IGSF5: variants seen among roughly 807,000 people sequenced by gnomAD.
The protein encoded by IGSF5 is immunoglobulin superfamily 5 like.
A neutral mutation model predicts 39.4 loss-of-function variants in IGSF5; 41 were observed. The ratio of observed to expected loss-of-function variants is 1.04; its 90% CI spans 0.81 to 1.35. The LOEUF (loss-of-function observed/expected upper bound fraction) is 1.35. Among genes scored for constraint, IGSF5 ranks in the 40% most tolerant of loss-of-function variants. The probability of loss-of-function intolerance (pLI) is 0.00; values close to 1 mark genes in which losing one functional copy is unlikely to be tolerated. For missense variants in IGSF5, 487 were observed against 494.6 expected (o/e 0.98, Z 0.15); for synonymous variants, 183 against 175.3 (o/e 1.04, Z -0.34).
the IGSF5 span, among the ~76,000 whole-genome samples, chr21:39,711,835 A>G: frequency 6.6e-6 from 1 of 152,008 alleles, no homozygotes; most frequent in African/African-American, 2.4e-5. Context: ...ACCCCACCAG[A>G]AGCCTCTTTT....
At chr21:39,764,804 C>T (rs2080077752) in intron 2 of IGSF5, among the ~76,000 whole-genome samples, 1 of 152,210 alleles carries the variant, frequency 6.6e-6, no homozygotes, top group Non-Finnish European at 1.5e-5. Flanking sequence ...TGGGCACAAA[C>T]TAGGAGAAGC....
intron 8 of IGSF5, among the ~76,000 whole-genome samples, chr21:39,794,314 G>A (rs1297234806): frequency 6.6e-6 from 1 of 152,176 alleles, no homozygotes; most frequent in Non-Finnish European, 1.5e-5. Context: ...GAAGGTCTCT[G>A]TTAGATGTCC....
chr21:39,745,921 G>T (rs557740610), intron 1 of IGSF5, among the ~76,000 whole-genome samples: 1 of 151,658 alleles, frequency 6.6e-6, no homozygotes, highest in Non-Finnish European at 1.5e-5. Flanking sequence ...TACGGGGGGT[G>T]GGGGGTCCTT....
chr21:39,758,921 A>G (rs1229377273), intron 2 of IGSF5, among the ~76,000 whole-genome samples: 1 of 152,234 alleles, frequency 6.6e-6, no homozygotes, highest in Admixed American at 6.5e-5. Flanking sequence ...CGCATGTCAT[A>G]AAGGTACAGC....
intron 8 of IGSF5, 51 bp downstream of exon 8, chr21:39,793,664 T>C: frequency 7.0e-7 from 1 of 1,423,666 alleles, no homozygotes; most frequent in Non-Finnish European, 9.9e-7. Context: ...TATTTAAAAA[T>C]TCTTACCTTG....
intron 8 of IGSF5, among the ~76,000 whole-genome samples, chr21:39,796,351 C>A (rs1449090371): frequency 1.3e-5 from 2 of 152,164 alleles, no homozygotes; most frequent in African/African-American, 4.8e-5. Flanking sequence ...CCCTGCCAGG[C>A]CTATGTCACC....
chr21:39,766,783 C>T (rs1474187312), intron 3 of IGSF5, among the ~76,000 whole-genome samples: 1 of 151,956 alleles, frequency 6.6e-6, no homozygotes, highest in African/African-American at 2.4e-5. Flanking sequence ...ATATAGAGTG[C>T]CTGATTTCCA....
chr21:39,745,177 A>ATC (rs2079967472), upstream of IGSF5, among the ~76,000 whole-genome samples: 1 of 137,290 alleles, frequency 7.3e-6, no homozygotes, highest in Non-Finnish European at 1.6e-5. Context: ...CTCTCTCTCC[A>ATC]TCTCTCTCTC....
chr21:39,793,775 T>C (rs16998526), intron 8 of IGSF5, among the ~76,000 whole-genome samples, 162 bp downstream of exon 8: 8,476 of 152,270 alleles, frequency 0.056, 755 homozygotes, highest in African/African-American at 0.19. Flanking sequence ...GAGATGGGGC[T>C]GAGACGTGGA....
At chr21:39,713,160 G>A in the IGSF5 span, among the ~76,000 whole-genome samples, 1 of 152,192 alleles carries the variant, frequency 6.6e-6, no homozygotes, top group Non-Finnish European at 1.5e-5. Context: ...CCACCGTGTG[G>A]TCACAGGAGT....
chr21:39,787,435 G>A lies in IGSF5; in HGVS notation c.935-732G>A, dbSNP rs55770069. ...TCGGTTGTAAAGATCACAGGCTTTT[G>A]GGACAAAAGGTTGGGGACTTGATCT... is the stretch of plus-strand genomic sequence containing the variant. On this transcript the variant is annotated intron_variant, in intron 5 of 8. Coordinates refer to ENST00000380588, the MANE Select transcript of IGSF5 (RefSeq NM_001080444.2). Among the ~76,000 whole-genome samples the A allele has an allele frequency of 6.1e-3, 928 of 152,182 alleles. 8 individuals are homozygous for A. The highest frequency in any genetic ancestry group is 9.8e-3 in the Non-Finnish European group (667 of 67,994).
intron 5 of IGSF5, among the ~76,000 whole-genome samples, chr21:39,786,874 T>G (rs1192690252): frequency 6.6e-6 from 1 of 151,620 alleles, no homozygotes; most frequent in African/African-American, 2.4e-5. Flanking sequence ...AACCAAACAC[T>G]GTGTATTCTC....
chr21:39,757,428 T>C (rs970981585), intron 2 of IGSF5, among the ~76,000 whole-genome samples: 1 of 152,056 alleles, frequency 6.6e-6, no homozygotes, highest in Non-Finnish European at 1.5e-5. Flanking sequence ...GCAGGTGGGC[T>C]GGCGGGTGGT....
intron 8 of IGSF5, 141 bp downstream of exon 8, chr21:39,793,754 G>A: frequency 1.5e-6 from 1 of 671,110 alleles, no homozygotes; most frequent in Non-Finnish European, 2.6e-6. Flanking sequence ...ATATCAGCTG[G>A]TCAGCATGGA....
the IGSF5 span, chr21:39,722,558 A>G: frequency 6.6e-6 from 1 of 152,206 alleles, no homozygotes; most frequent in Non-Finnish European, 1.5e-5. Context: ...CTATGTGAGT[A>G]AAAAATAAAC....
chr21:39,790,693 C>T (rs1467314465), intron 6 of IGSF5, among the ~76,000 whole-genome samples: 4 of 152,160 alleles, frequency 2.6e-5, no homozygotes, highest in African/African-American at 9.7e-5. Context: ...AAAACAACTA[C>T]TCTGAGTACT....
intron 3 of IGSF5, among the ~76,000 whole-genome samples, chr21:39,769,893 T>C (rs895129762): frequency 6.6e-6 from 1 of 152,216 alleles, no homozygotes; most frequent in South Asian, 2.1e-4. Flanking sequence ...TTTGGAGTCC[T>C]CAATGCTTTT....
At chr21:39,788,254 A>G in intron 6 of IGSF5, 66 bp downstream of exon 6, 8 of 1,164,980 alleles carry the variant, frequency 6.9e-6, no homozygotes. Context: ...AACAATAATA[A>G]CAACAATACG....
At chr21:39,793,645 T>C in intron 8 of IGSF5, 32 bp downstream of exon 8, 3 of 1,560,628 alleles carry the variant, frequency 1.9e-6, no homozygotes, top group Non-Finnish European at 2.6e-6. Context: ...CTTTTTGGAC[T>C]TTTTTGGCTA....
Sources: allele counts gnomAD v4.1 joint callset (sites outside exome capture counted in the v4.1 genomes callset), GRCh38; gene constraint gnomAD v4.1.1; transcripts MANE v1.5; gene names NCBI Gene and HGNC (gene_info 2026-07-23, HGNC 2026-07-21).